The following CTSC variants were observed in gnomAD, a reference collection of about 807,000 sequenced individuals.
The protein encoded by CTSC is cathepsin C.
In CTSC, 37 loss-of-function variants were observed where a neutral mutation model predicts 40.9. That is an observed-to-expected ratio of 0.91 (90% CI 0.70 to 1.19). CTSC has a LOEUF of 1.19. CTSC is among the 50% of genes most tolerant of loss of function. The pLI is 0.00. For synonymous variants in CTSC, 232 were observed against 207.4 expected (o/e 1.12, Z -1.02); for missense variants, 594 against 567.3 (o/e 1.05, Z -0.48).
chr11:88,298,202 C>A (rs184400350), intron 5 of CTSC: 22 of 152,240 alleles, frequency 1.4e-4, no homozygotes, highest in Admixed American at 1.4e-3. Flanking sequence ...TATGAAAACA[C>A]TCTGTATTTC....
chr11:88,323,940 A>G (rs1938104980), intron 2 of CTSC: 1 of 152,114 alleles, frequency 6.6e-6, no homozygotes, highest in Non-Finnish European at 1.5e-5. Flanking sequence ...AACCAAAAAA[A>G]AGCTCGTATA....
intron 4 of CTSC, among the ~76,000 whole-genome samples, chr11:88,305,980 G>T (rs116159970): frequency 1.3e-5 from 2 of 152,150 alleles, no homozygotes; most frequent in Non-Finnish European, 2.9e-5. Flanking sequence ...GATTTTTGTT[G>T]TTGAATAGAT....
chr11:88,308,068 T>C (rs1440467272), intron 4 of CTSC, among the ~76,000 whole-genome samples: 3 of 152,200 alleles, frequency 2.0e-5, no homozygotes, highest in South Asian at 2.1e-4. Flanking sequence ...ACGAAAGAGA[T>C]GGCAGGCATG....
Position 88,293,995 on chromosome 11 carries a change from G to T in CTSC, c.*11C>A, listed in dbSNP as rs1436173820. 6.2e-7 allele frequency: 1 copy of T among 1,613,350 alleles called. No homozygotes were observed. The highest frequency in any genetic ancestry group is 2.2e-5 in the East Asian group (1 of 44,888). On this transcript the variant is annotated 3_prime_UTR_variant, in exon 7 of 7. Coordinates refer to ENST00000227266, the MANE Select transcript of CTSC (RefSeq NM_001814.6). ...TGATGCAGATCATTATGAAATACTGGAAGGCATACCCTACAATTTAGGAAT... is the reference window on the plus strand; with the variant it reads ...TGATGCAGATCATTATGAAATACTGTAAGGCATACCCTACAATTTAGGAAT...
intron 6 of CTSC, among the ~76,000 whole-genome samples, chr11:88,295,403 G>A (rs1397988218): frequency 3.3e-5 from 5 of 151,308 alleles, no homozygotes; most frequent in Non-Finnish European, 7.4e-5. Flanking sequence ...TTTCATAACA[G>A]GGCCTCACTC....
At chr11:88,335,121 T>C (rs746725842) in intron 1 of CTSC, 39 bp from the exon 2 acceptor site, 4 of 1,370,030 alleles carry the variant, frequency 2.9e-6, no homozygotes, top group Non-Finnish European at 4.1e-6. Flanking sequence ...AGGAAAATTA[T>C]TTGGATTTCA....
intron 5 of CTSC, chr11:88,296,699 C>T (rs898884822): frequency 3.9e-6 from 1 of 259,060 alleles, no homozygotes; most frequent in Non-Finnish European, 7.5e-6. Flanking sequence ...GGTTTATGTC[C>T]CTCTAAAATC....
chr11:88,294,551 G>C, intron 6 of CTSC, 43 bp from the exon 7 acceptor site: 5 of 1,609,308 alleles, frequency 3.1e-6, no homozygotes, highest in Non-Finnish European at 4.3e-6. Context: ...AGTAGAAAAA[G>C]GATTATCCCA....
At chr11:88,295,100 TCTTA>T (rs1176599904) in intron 6 of CTSC, among the ~76,000 whole-genome samples, 1 of 152,190 alleles carries the variant, frequency 6.6e-6, no homozygotes, top group East Asian at 1.9e-4. Flanking sequence ...AATCTCTATC[TCTTA>T]CTTAACTGTA....
Position 88,293,888 on chromosome 11 carries a change from C to T in CTSC, c.*118G>A, listed in dbSNP as rs1299804384. The stretch of plus-strand genomic sequence containing the variant: ...CAGTTTTAATTCTGAAGACAAATAT[C>T]TTCATGGAAATCTATTTGTAAGCTT... On this transcript the variant is annotated 3_prime_UTR_variant, in exon 7 of 7. Transcript: ENST00000227266. 6 of 1,242,070 alleles carry T rather than the reference C, an allele frequency of 4.8e-6. No homozygotes were observed. In the African/African-American group the frequency reaches 5.9e-5, roughly 12 times the overall value. 76.9% of individuals were successfully genotyped at this position (1,242,070 alleles called of 1,614,324 possible).
intron 1 of CTSC, among the ~76,000 whole-genome samples, chr11:88,336,843 G>A (rs953426300): frequency 1.3e-5 from 2 of 152,178 alleles, no homozygotes; most frequent in Non-Finnish European, 2.9e-5. Flanking sequence ...CAAACACTAG[G>A]TATTTATTGA....
chr11:88,296,273 G>A lies in CTSC; in HGVS notation c.758-9C>T, dbSNP rs1336047846. On this transcript the variant is annotated splice_polypyrimidine_tract_variant and intron_variant, in intron 5 of 6. Transcript: ENST00000227266. ...GCAGCTGCCACAGGATGCTGGCGAT[G>A]AAAAAAAGACACATAATCCAAGAGA... 6.2e-7 allele frequency: 1 copy of A among 1,613,046 alleles called. No individual in the cohort carries two copies. Among genetic ancestry groups the A allele is most frequent in the East Asian group, 2.2e-5 (1 of 44,862 alleles).
At chr11:88,295,479 AG>A (rs1299814693) in intron 6 of CTSC, among the ~76,000 whole-genome samples, 2 of 151,850 alleles carry the variant, frequency 1.3e-5, no homozygotes, top group Non-Finnish European at 2.9e-5. Flanking sequence ...TCCTGGGCTC[AG>A]GTGATTCTTA....
chr11:88,295,186 A>G (rs1944284626), intron 6 of CTSC, among the ~76,000 whole-genome samples: 2 of 152,228 alleles, frequency 1.3e-5, no homozygotes, highest in Non-Finnish European at 2.9e-5. Context: ...CTAGTAGTAC[A>G]TATTTTAGAA....
At chr11:88,298,106 G>A (rs1944317704) in intron 5 of CTSC, 2 of 152,010 alleles carry the variant, frequency 1.3e-5, no homozygotes, top group Non-Finnish European at 2.9e-5. Context: ...TGAATTGGGT[G>A]GAGCAGTTTA....
At position 88,294,147 on chromosome 11, in the gene CTSC, G is replaced by T. The variant is rs1184225732; in HGVS notation, c.1251C>A (p.Ala417=). 1 of 1,613,884 alleles carries T rather than the reference G, an allele frequency of 6.2e-7. No individual in the cohort carries two copies. Among genetic ancestry groups the T allele is most frequent in the Non-Finnish European group, 8.5e-7 (1 of 1,180,008 alleles). The change falls in exon 7 of 7, where the codon GCC becomes GCA. Residue 417 remains alanine, a synonymous_variant. Coordinates refer to ENST00000227266, the MANE Select transcript of CTSC (RefSeq NM_001814.6). ...VLLVGYGTDS[A]SGMDYWIVKN... ...TAACAATCCAGTAATCCATCCCAGA[G>T]GCTGAGTCAGTGCCATAGCCCACAA...
intron 2 of CTSC, chr11:88,321,503 G>T (rs1428155572): frequency 6.6e-6 from 1 of 152,046 alleles, no homozygotes; most frequent in East Asian, 1.9e-4. Context: ...CTATTGTTCA[G>T]CTCCCACTTA....
At chr11:88,308,874 G>A (rs563678104) in intron 4 of CTSC, among the ~76,000 whole-genome samples, 13 of 152,284 alleles carry the variant, frequency 8.5e-5, no homozygotes, top group African/African-American at 2.9e-4. Context: ...TTACCGGCAG[G>A]AGGCTAATCC....
intron 3 of CTSC, among the ~76,000 whole-genome samples, chr11:88,309,988 T>C (rs1046020251): frequency 6.6e-6 from 1 of 152,084 alleles, no homozygotes; most frequent in African/African-American, 2.4e-5. Context: ...AAGCAAAACC[T>C]GTATGCAACA....
Sources: allele counts gnomAD v4.1 joint callset (sites outside exome capture counted in the v4.1 genomes callset), GRCh38; gene constraint gnomAD v4.1.1; transcripts MANE v1.5; gene names NCBI Gene and HGNC (gene_info 2026-07-23, HGNC 2026-07-21).